DNAH9: variants seen among roughly 807,000 people sequenced by gnomAD.
DNAH9 encodes dynein axonemal heavy chain 9, also known as DNAH9 variant protein.
Under a neutral mutation model 471.6 loss-of-function variants are expected in DNAH9, and 345 were observed. The ratio of observed to expected loss-of-function variants is 0.73; its 90% CI spans 0.67 to 0.80. The LOEUF (loss-of-function observed/expected upper bound fraction) is 0.80. Ranked by LOEUF, DNAH9 falls within the 30% of genes least tolerant of loss-of-function variation. DNAH9 has a pLI of 0.00. For missense variants in DNAH9, 5,407 were observed against 5,609.2 expected (o/e 0.96, Z 1.15); for synonymous variants, 2,093 against 2,123.6 (o/e 0.99, Z 0.40).
At chr17:11,835,266 G>A (rs112827761) in intron 49 of DNAH9, among the ~76,000 whole-genome samples, 4,398 of 152,192 alleles carry the variant, frequency 0.029, 232 homozygotes, top group African/African-American at 0.1. Flanking sequence ...CTAATCCCAG[G>A]GATCTTCCTG....
chr17:11,633,978 A>G (rs1406581359), intron 8 of DNAH9, among the ~76,000 whole-genome samples: 1 of 152,200 alleles, frequency 6.6e-6, no homozygotes, highest in Non-Finnish European at 1.5e-5. Context: ...GGTCCCCACC[A>G]TGAAAACATG....
At chr17:11,852,851 T>TATATATAA (rs1971476938) in intron 49 of DNAH9, among the ~76,000 whole-genome samples, 1 of 137,796 alleles carries the variant, frequency 7.3e-6, no homozygotes, top group Non-Finnish European at 1.5e-5. Flanking sequence ...TATATATATA[T>TATATATAA]ATATATATAT....
intron 48 of DNAH9, among the ~76,000 whole-genome samples, chr17:11,824,086 G>A (rs1005807511): frequency 1.3e-5 from 2 of 152,018 alleles, no homozygotes; most frequent in Admixed American, 6.6e-5. Context: ...CAGCTGCTTC[G>A]CCTCTGCTCA....
At chr17:11,613,257 G>A (rs2072674353) in intron 4 of DNAH9, among the ~76,000 whole-genome samples, 2 of 152,150 alleles carry the variant, frequency 1.3e-5, no homozygotes, top group Admixed American at 1.3e-4. Context: ...CCAGGAGACA[G>A]GTGTCCCCAG....
intron 17 of DNAH9, among the ~76,000 whole-genome samples, chr17:11,672,379 A>T (rs1262586191): frequency 1.3e-5 from 2 of 152,086 alleles, no homozygotes; most frequent in Admixed American, 6.5e-5. Context: ...CCTTCTGAGG[A>T]CACTGCTTTC....
rs149584408 is a variant in DNAH9 at position 11,720,660 on chromosome 17, C to A, written c.5709+1170C>A. ...ATTTTAGAAATAATGCTTGCCGTTA[C>A]CACGTATAGCACTCTGTAAATGAGA... On this transcript the variant is annotated intron_variant, in intron 27 of 68. Coordinates refer to ENST00000262442, the MANE Select transcript of DNAH9 (RefSeq NM_001372.4). Among the ~76,000 whole-genome samples the A allele has an allele frequency of 2.5e-3, 388 of 152,220 alleles. 5 individuals carry two copies. Among genetic ancestry groups the A allele is most frequent in the African/African-American group, 8.8e-3 (365 of 41,524 alleles).
At chr17:11,949,193 G>A (rs1239580216) in intron 67 of DNAH9, among the ~76,000 whole-genome samples, 2 of 152,168 alleles carry the variant, frequency 1.3e-5, no homozygotes, top group East Asian at 3.9e-4. Flanking sequence ...GAATGAAAGG[G>A]TTAAGGTCAC....
At chr17:11,602,396 T>TTA (rs1954535894) in intron 1 of DNAH9, among the ~76,000 whole-genome samples, 2 of 152,234 alleles carry the variant, frequency 1.3e-5, no homozygotes, top group South Asian at 2.1e-4. Context: ...GTCACCTTGC[T>TTA]GTAACCCATC....
chr17:11,867,101 C>G (rs988382167), intron 50 of DNAH9, among the ~76,000 whole-genome samples: 1 of 152,204 alleles, frequency 6.6e-6, no homozygotes. Context: ...AGAAATCACC[C>G]GTCTTCTGCG....
intron 38 of DNAH9, among the ~76,000 whole-genome samples, chr17:11,775,595 C>CTTTTTTTT (rs71142246): frequency 3.3e-5 from 2 of 61,014 alleles, no homozygotes; most frequent in African/African-American, 7.6e-5. Flanking sequence ...ATCAGATGTT[C>CTTTTTTTT]TTTTTTTTTT....
chr17:11,660,102 T>G (rs1014182702), intron 14 of DNAH9, among the ~76,000 whole-genome samples: 3 of 152,144 alleles, frequency 2.0e-5, no homozygotes, highest in Admixed American at 6.5e-5. Context: ...TTTTCTAGTT[T>G]ATTAATTTAT....
At chr17:11,683,406 T>A (rs1272430848) in intron 19 of DNAH9, among the ~76,000 whole-genome samples, 2 of 152,132 alleles carry the variant, frequency 1.3e-5, no homozygotes, top group Non-Finnish European at 2.9e-5. Context: ...ACTCCTGACC[T>A]CGTGATCCTC....
At chr17:11,956,118 C>T (rs532756447) in intron 67 of DNAH9, among the ~76,000 whole-genome samples, 1 of 152,108 alleles carries the variant, frequency 6.6e-6, no homozygotes, top group Non-Finnish European at 1.5e-5. Context: ...AACTACGTAT[C>T]CAGCTAAACA....
intron 50 of DNAH9, among the ~76,000 whole-genome samples, chr17:11,859,063 A>G (rs1476480286): frequency 1.4e-5 from 2 of 146,318 alleles, no homozygotes; most frequent in African/African-American, 2.6e-5. Context: ...CAGCATGGGC[A>G]GCAAGAGGGA....
At chr17:11,921,598 G>T (rs1366836487) in intron 61 of DNAH9, among the ~76,000 whole-genome samples, 3 of 152,146 alleles carry the variant, frequency 2.0e-5, no homozygotes, top group African/African-American at 7.2e-5. Flanking sequence ...CTTGCTCAAG[G>T]CCCAATAAGC....
intron 61 of DNAH9, among the ~76,000 whole-genome samples, chr17:11,913,353 A>C (rs1409625748): frequency 6.6e-6 from 1 of 152,082 alleles, no homozygotes; most frequent in Admixed American, 6.6e-5. Context: ...CACTTACCAT[A>C]ATTTATTTCT....
At chr17:11,762,780 T>TTG (rs1567783397) in intron 35 of DNAH9, among the ~76,000 whole-genome samples, 10 of 125,192 alleles carry the variant, frequency 8.0e-5, no homozygotes, top group African/African-American at 1.2e-4. Context: ...GTTTTTTTTT[T>TTG]TTTTTTTTTT....
chr17:11,862,100 C>A (rs1410894117), intron 50 of DNAH9, among the ~76,000 whole-genome samples: 2 of 116,126 alleles, frequency 1.7e-5, no homozygotes, highest in African/African-American at 6.2e-5. Flanking sequence ...CTTGCCCATG[C>A]CTGTCCTGAA....
chr17:11,952,201 A>G (rs1354418819), intron 67 of DNAH9, among the ~76,000 whole-genome samples: 2 of 139,002 alleles, frequency 1.4e-5, no homozygotes, highest in African/African-American at 5.4e-5. Context: ...GTTCAGTGGC[A>G]TGATCTTTGC....
Sources: gnomAD v4.1 joint callset for allele counts (sites outside exome capture counted in the v4.1 genomes callset) on GRCh38, gnomAD v4.1.1 for gene constraint, MANE v1.5 for transcripts, NCBI Gene and HGNC (gene_info 2026-07-23, HGNC 2026-07-21) for gene names.